The following POMT2 variants were observed in gnomAD, a reference collection of about 807,000 sequenced individuals.
POMT2 encodes the protein protein O-mannosyl-transferase 2.
A neutral mutation model predicts 100.0 loss-of-function variants in POMT2; 75 were observed. That is an observed-to-expected ratio of 0.75 (90% CI 0.62 to 0.91). The LOEUF (loss-of-function observed/expected upper bound fraction) is 0.91. Among genes scored for constraint, POMT2 ranks in the 40% least tolerant of loss-of-function variants. The probability of loss-of-function intolerance (pLI) is 0.00; values close to 1 mark genes in which losing one functional copy is unlikely to be tolerated. For missense variants in POMT2, 940 were observed against 955.1 expected, an observed-to-expected ratio of 0.98 and a Z score of 0.21; for synonymous variants, 378 against 374.1, an observed-to-expected ratio of 1.01 and a Z score of -0.12.
chr14:77,307,360 T>A lies in POMT2; in HGVS notation c.334-919A>T, dbSNP rs78196950. Among the ~76,000 whole-genome samples, 5 of 152,310 alleles carry A rather than the reference T, an allele frequency of 3.3e-5. No homozygotes were observed. The East Asian group carries it at 9.6e-4, about 29-fold the overall frequency. On this transcript the variant is annotated intron_variant, in intron 2 of 20. Coordinates refer to ENST00000261534, the MANE Select transcript of POMT2 (RefSeq NM_013382.7). The stretch of plus-strand genomic sequence containing the variant: ...TAGACTACTAACCAACCCACTTTTT[T>A]CTCTAAGTAGTTCTAAACAGAGCCA...
chr14:77,306,481 G>C (rs1437034147), intron 2 of POMT2, 40 bp from the exon 3 acceptor site: 1 of 1,605,842 alleles, frequency 6.2e-7, no homozygotes, highest in African/African-American at 1.3e-5. Flanking sequence ...AGAAGCCTTT[G>C]GGAGAAGATT....
At chr14:77,295,631 CAAAAAAAAAA>C (rs35870247) in intron 9 of POMT2, among the ~76,000 whole-genome samples, 883 of 83,280 alleles carry the variant, frequency 0.011, 12 homozygotes, top group African/African-American at 0.038. Context: ...GACTCCATCT[CAAAAAAAAAA>C]AAAAAAAAAA....
At chr14:77,289,855 G>C (rs1465687817) in intron 10 of POMT2, among the ~76,000 whole-genome samples, 2 of 152,144 alleles carry the variant, frequency 1.3e-5, no homozygotes, top group African/African-American at 4.8e-5. Context: ...AACACAGAAT[G>C]GATCCTTGCA....
intron 3 of POMT2, 133 bp from the exon 4 acceptor site, chr14:77,304,933 G>A (rs1232762508): frequency 3.7e-5 from 54 of 1,455,036 alleles, no homozygotes; most frequent in Non-Finnish European, 4.8e-5. Context: ...AGTCACCTAG[G>A]ATATCTATAA....
At chr14:77,312,810 T>TGG in intron 1 of POMT2, among the ~76,000 whole-genome samples, 1 of 152,206 alleles carries the variant, frequency 6.6e-6, no homozygotes, top group African/African-American at 2.4e-5. Context: ...GTTGAGTCTA[T>TGG]AAACCATGAG....
intron 11 of POMT2, 43 bp downstream of exon 11, chr14:77,288,719 G>T: frequency 6.5e-7 from 1 of 1,530,088 alleles, no homozygotes; most frequent in Non-Finnish European, 9.1e-7. Flanking sequence ...CCCTCCCCTT[G>T]GTGCCCGTAC....
At position 77,320,744 on chromosome 14, in the gene POMT2, C is replaced by T. The variant is rs2139552941; in HGVS notation, c.-63G>A. On this transcript the variant is annotated 5_prime_UTR_variant, in exon 1 of 21. Coordinates refer to ENST00000261534, the MANE Select transcript of POMT2 (RefSeq NM_013382.7). ...ACACTTTGTCTGACCAGCCGCCCCG[C>T]CAAGGAGTCACAAGAGGGCAGCTCG... 6.4e-7 allele frequency: 1 copy of T among 1,567,116 alleles called. No homozygotes were observed. Among genetic ancestry groups the T allele is most frequent in the Non-Finnish European group, 8.6e-7 (1 of 1,166,196 alleles).
chr14:77,284,052 T>C, intron 14 of POMT2, 179 bp from the exon 15 acceptor site: 1 of 662,138 alleles, frequency 1.5e-6, no homozygotes, highest in South Asian at 1.6e-5. Context: ...TATGAAGAAC[T>C]CATCAGGCAT....
rs544647657 is a variant in POMT2, at chr14:77,280,628, G to A, written c.1654-165C>T. Reference sequence around the variant, plus strand: ...AGGCAGCTGCTGTCTGCCTACCTACGACACTTGCTTTACTTCTCCCAGACA... The same window carrying A: ...AGGCAGCTGCTGTCTGCCTACCTACAACACTTGCTTTACTTCTCCCAGACA... On this transcript the variant is annotated intron_variant, in intron 15 of 20. Coordinates refer to ENST00000261534, the MANE Select transcript of POMT2 (RefSeq NM_013382.7). Among the ~76,000 whole-genome samples, 53 of 152,292 alleles carry A rather than the reference G, an allele frequency of 3.5e-4. 1 individual carries two copies. Among genetic ancestry groups the A allele is most frequent in the East Asian group, 1.9e-3 (10 of 5,186 alleles).
At chr14:77,305,355 T>G (rs1165235948) in intron 3 of POMT2, among the ~76,000 whole-genome samples, 1 of 152,248 alleles carries the variant, frequency 6.6e-6, no homozygotes. Flanking sequence ...TTTGGTTTTT[T>G]GTTTTTTTAA....
At chr14:77,283,693 C>T (rs1890308745) in intron 15 of POMT2, 104 bp downstream of exon 15, 1 of 1,036,152 alleles carries the variant, frequency 9.7e-7, no homozygotes, top group African/African-American at 1.6e-5. Context: ...TCAAATTCCT[C>T]CACAAGGGGG....
At chr14:77,277,661 A>G (rs1890022035) in intron 20 of POMT2, among the ~76,000 whole-genome samples, 180 bp from the exon 21 acceptor site, 1 of 152,236 alleles carries the variant, frequency 6.6e-6, no homozygotes, top group Admixed American at 6.5e-5. Context: ...AGCTTAGTAG[A>G]TGCTGACTCA....
chr14:77,295,765 C>T (rs1890806771), intron 9 of POMT2, among the ~76,000 whole-genome samples: 1 of 152,030 alleles, frequency 6.6e-6, no homozygotes, highest in Non-Finnish European at 1.5e-5. Context: ...TTCATAAATA[C>T]CACACTTTAT....
intron 9 of POMT2, among the ~76,000 whole-genome samples, chr14:77,292,986 T>G (rs1267083978): frequency 6.6e-6 from 1 of 152,196 alleles, no homozygotes; most frequent in East Asian, 1.9e-4. Context: ...TGCATGACTG[T>G]ACTTACAAAG....
At position 77,279,898 on chromosome 14, in the gene POMT2, C is replaced by T. The variant is rs201117837; in HGVS notation, c.1816G>A (p.Ala606Thr). 41 of 1,614,012 alleles carry T rather than the reference C, an allele frequency of 2.5e-5. No homozygotes were observed. The highest frequency in any genetic ancestry group is 1.7e-4 in the African/African-American group (13 of 75,000). ...ATGCTCCCTGAGAGGAGGTAGAGGG[C>T]GATGCTCAACAGATTCAGCCACCAA... is the stretch of plus-strand genomic sequence containing the variant. ...VVWWLNLLSIALYLLSGSIIA... is the reference protein window; with the variant it reads ...VVWWLNLLSITLYLLSGSIIA... Residue 606 changes from alanine to threonine, a missense_variant, in exon 18 of 21, where the codon GCC becomes ACC. Physicochemically the swap from Ala to Thr is moderately conservative, Grantham distance 58 (BLOSUM62 0). Transcript: ENST00000261534.
intron 4 of POMT2, 67 bp from the exon 5 acceptor site, chr14:77,303,010 C>T: frequency 8.3e-7 from 1 of 1,201,208 alleles, no homozygotes; most frequent in African/African-American, 1.5e-5. Flanking sequence ...ACCAAGCACC[C>T]CAGTAGTAGG....
In POMT2 at chr14:77,280,037, T is replaced by TA. The variant is rs1566644166; in HGVS notation, c.1768dup (p.Tyr590LeufsTer190). ...GGCACTCACCGGGTTGCCAAGCAGA[T>TA]AGACTCGGAAATCTGTGTCATTGAC... On this transcript the variant is annotated frameshift_variant, in exon 17 of 21. Transcript: ENST00000261534. LOFTEE classifies it high-confidence loss of function. 1.9e-6 allele frequency: 3 copies of TA among 1,613,932 alleles called. No individual in the cohort carries two copies.
chr14:77,306,626 G>A, intron 2 of POMT2, 185 bp from the exon 3 acceptor site: 1 of 598,832 alleles, frequency 1.7e-6, no homozygotes, highest in Non-Finnish European at 2.9e-6. Flanking sequence ...TGTCTACAGA[G>A]CTCACTGCTT....
intron 8 of POMT2, 49 bp downstream of exon 8, chr14:77,298,640 C>T: frequency 3.8e-6 from 6 of 1,599,998 alleles, no homozygotes; most frequent in Non-Finnish European, 5.1e-6. Context: ...ATTCAACTCC[C>T]AGGACACCCC....
Sources: gnomAD v4.1 joint callset for allele counts (sites outside exome capture counted in the v4.1 genomes callset) on GRCh38, gnomAD v4.1.1 for gene constraint, MANE v1.5 for transcripts, NCBI Gene and HGNC (gene_info 2026-07-23, HGNC 2026-07-21) for gene names.